The following PXK variants were observed in gnomAD, a reference collection of about 807,000 sequenced individuals.
PXK encodes the protein PX domain containing serine/threonine kinase like.
A neutral mutation model predicts 84.7 loss-of-function variants in PXK; 35 were observed. That is an observed-to-expected ratio of 0.41 (90% confidence interval 0.32 to 0.55). The LOEUF is 0.55. PXK is among the 20% of genes least tolerant of loss of function. PXK has a pLI of 0.21. For synonymous variants in PXK, 253 were observed against 260.8 expected (o/e 0.97, Z 0.29); for missense variants, 634 against 699.7 (o/e 0.91, Z 1.06).
chr3:58,357,431 A>G (rs1271116195), intron 1 of PXK, among the ~76,000 whole-genome samples: 2 of 152,212 alleles, frequency 1.3e-5, no homozygotes, highest in Non-Finnish European at 2.9e-5. Flanking sequence ...CTCCTATGAT[A>G]GCAATGCCTT....
intron 1 of PXK, among the ~76,000 whole-genome samples, chr3:58,337,671 T>C: frequency 6.6e-6 from 1 of 152,128 alleles, no homozygotes; most frequent in Non-Finnish European, 1.5e-5. Flanking sequence ...TGTCTTGCTA[T>C]GTTGTCCAGG....
rs1030221952 is a variant in PXK at position 58,425,966 on chromosome 3, T to C, written c.*1006T>C. 1 of 152,248 alleles carries C rather than the reference T, an allele frequency of 6.6e-6. No individual in the cohort carries two copies. The highest frequency in any genetic ancestry group is 2.4e-5 in the African/African-American group (1 of 41,464). 9.4% of individuals were successfully genotyped at this position (152,248 alleles called of 1,614,324 possible). ...ACTATGCAGAGAATGTCATTGTGTA[T>C]AGTTTCATGTAATCTGTTATGTCAG... On this transcript the variant is annotated 3_prime_UTR_variant, in exon 18 of 18. Transcript: ENST00000356151.
intron 1 of PXK, among the ~76,000 whole-genome samples, chr3:58,336,643 G>T (rs937468793): frequency 6.6e-6 from 1 of 152,156 alleles, no homozygotes; most frequent in African/African-American, 2.4e-5. Flanking sequence ...TAAGTTCTTG[G>T]CTATATAAAA....
At chr3:58,404,390 C>T (rs1265032429) in intron 13 of PXK, among the ~76,000 whole-genome samples, 1 of 152,140 alleles carries the variant, frequency 6.6e-6, no homozygotes, top group Non-Finnish European at 1.5e-5. Flanking sequence ...GTGAGGGCTG[C>T]CTGTGCACGG....
rs568162935 is a variant in PXK, at chr3:58,421,094, A to G, written c.1529-3658A>G. 3.3e-4 allele frequency: 331 copies of G among 993,030 alleles called. 1 individual carries two copies. The highest frequency in any genetic ancestry group is 5.2e-4 in the Middle Eastern group (1 of 1,932). 61.5% of individuals were successfully genotyped at this position (993,030 alleles called of 1,614,324 possible). ...CTCCTCACCTGCCTGAAGCCAAAGG[A>G]GAAGGTGGTTCTCCCGAGAGCTGGG... On this transcript the variant is annotated intron_variant, in intron 17 of 17. Transcript: ENST00000356151. The surrounding 1 kb of genome is among the most constrained non-coding windows in gnomAD (Gnocchi z 5.5).
At chr3:58,367,967 G>A (rs1365867082) in intron 2 of PXK, among the ~76,000 whole-genome samples, 4 of 152,136 alleles carry the variant, frequency 2.6e-5, no homozygotes, top group South Asian at 4.2e-4. Context: ...TTGTAGGCAT[G>A]AGCCACCATG....
chr3:58,355,463 C>T (rs995754483), intron 1 of PXK, among the ~76,000 whole-genome samples: 37 of 152,182 alleles, frequency 2.4e-4, no homozygotes, highest in African/African-American at 8.4e-4. Flanking sequence ...AGCGACTTAA[C>T]ACGTTTATTT....
Position 58,407,411 on chromosome 3 carries a change from G to T in PXK, c.1231-1513G>T, listed in dbSNP as rs2059556997. ...TTAATTGGGTTACTTATATTTTGTT[G>T]TTGAGTTGTTGGAGTTCCTTTATAT... On this transcript the variant is annotated intron_variant, in intron 13 of 17. Transcript: ENST00000356151. The surrounding 1 kb of genome is among the most constrained non-coding windows in gnomAD (Gnocchi z 4.3). 6.6e-6 allele frequency among the ~76,000 whole-genome samples: 1 copy of T among 151,918 alleles called. No homozygotes were observed. The highest frequency in any genetic ancestry group is 1.5e-5 in the Non-Finnish European group (1 of 67,978).
At chr3:58,415,616 C>T (rs559921726) in intron 17 of PXK, among the ~76,000 whole-genome samples, 32 of 152,354 alleles carry the variant, frequency 2.1e-4, no homozygotes, top group African/African-American at 7.7e-4. Flanking sequence ...GCATGATTGA[C>T]AACCATATAG....
chr3:58,425,040 G>C lies in PXK; in HGVS notation c.*80G>C. 1 of 1,544,730 alleles carries C rather than the reference G, an allele frequency of 6.5e-7. No homozygotes were observed. The highest frequency in any genetic ancestry group is 8.7e-7 in the Non-Finnish European group (1 of 1,142,884). ...ACCCCCCAAACTACCCTCTTCCTGG[G>C]AAAGTAATTGCTGAGCCAGTACAGC... On this transcript the variant is annotated 3_prime_UTR_variant, in exon 18 of 18. Coordinates refer to ENST00000356151, the MANE Select transcript of PXK (RefSeq NM_017771.5).
intron 1 of PXK, among the ~76,000 whole-genome samples, chr3:58,334,421 G>A (rs1350352703): frequency 6.6e-6 from 1 of 152,152 alleles, no homozygotes; most frequent in Non-Finnish European, 1.5e-5. Flanking sequence ...TGGCATAAGG[G>A]TTGAAATTTA....
At position 58,399,344 on chromosome 3, in the gene PXK, G is replaced by T. The variant is rs1333105265; in HGVS notation, c.1148G>T (p.Gly383Val). 6.2e-7 allele frequency: 1 copy of T among 1,614,118 alleles called. No individual in the cohort carries two copies. Among genetic ancestry groups the T allele is most frequent in the Admixed American group, 1.7e-5 (1 of 60,024 alleles). Residue 383 changes from glycine to valine, a missense_variant, in exon 12 of 18, where the codon GGC becomes GTC. Gly to Val is a moderately radical substitution (Grantham distance 109). Coordinates refer to ENST00000356151, the MANE Select transcript of PXK (RefSeq NM_017771.5). This position sits in a 1 kb window ranked among gnomAD's most constrained non-coding sequence, Gnocchi z 4.3. ...CTGTCTTGTGAAGCCTGTAAAAATG[G>T]CATGCCTACCATCTCCCGGCTCTTA... is the stretch of plus-strand genomic sequence containing the variant. ...STLSCEACKN[G>V]MPTISRLLQM...
At chr3:58,336,928 G>A (rs2097629807) in intron 1 of PXK, among the ~76,000 whole-genome samples, 1 of 152,144 alleles carries the variant, frequency 6.6e-6, no homozygotes, top group Admixed American at 6.6e-5. Context: ...TTCTGCCTCA[G>A]CCTCCCAAGT....
intron 17 of PXK, among the ~76,000 whole-genome samples, chr3:58,418,473 C>T (rs1484619867): frequency 2.6e-5 from 4 of 152,146 alleles, no homozygotes; most frequent in Non-Finnish European, 4.4e-5. Flanking sequence ...CTTCAGGGTG[C>T]GCTGCAGGGC....
chr3:58,358,034 T>A (rs2098121354), intron 1 of PXK, among the ~76,000 whole-genome samples: 1 of 152,184 alleles, frequency 6.6e-6, no homozygotes. Context: ...TCATGATATT[T>A]GTGGTCTGTT....
At chr3:58,359,049 C>T (rs1055766107) in intron 1 of PXK, among the ~76,000 whole-genome samples, 1 of 152,116 alleles carries the variant, frequency 6.6e-6, no homozygotes, top group Admixed American at 6.6e-5. Flanking sequence ...GAACAAAGCA[C>T]GGGTTTGGAA....
chr3:58,366,183 C>A (rs912835424), intron 2 of PXK, among the ~76,000 whole-genome samples: 1 of 152,138 alleles, frequency 6.6e-6, no homozygotes, highest in African/African-American at 2.4e-5. Context: ...CAACCCAGGG[C>A]AAATAGTGTA....
In PXK at chr3:58,424,867, C is replaced by T. The variant is rs766041331; in HGVS notation, c.1644C>T (p.Ser548=). 1.9e-6 allele frequency: 3 copies of T among 1,614,240 alleles called. No homozygotes were observed. Among genetic ancestry groups the T allele is most frequent in the Non-Finnish European group, 2.5e-6 (3 of 1,180,044 alleles). ...QLSSQAVNGM[S]RGALLSSIQN... is the part of the protein sequence containing the mutation. Reference sequence around the variant, plus strand: ...CGTCTCAGGCTGTGAATGGCATGAGCCGAGGGGCCTTGCTCAGCTCCATCC... The same window carrying T: ...CGTCTCAGGCTGTGAATGGCATGAGTCGAGGGGCCTTGCTCAGCTCCATCC... The change falls in exon 18 of 18, where the codon AGC becomes AGT. Residue 548 remains serine, a synonymous_variant. Transcript: ENST00000356151.
intron 1 of PXK, among the ~76,000 whole-genome samples, chr3:58,361,468 C>T (rs2098186216): frequency 6.6e-6 from 1 of 152,082 alleles, no homozygotes; most frequent in Non-Finnish European, 1.5e-5. Context: ...TCACTTTGCC[C>T]TTCTGTAGCT....
Sources: allele counts gnomAD v4.1 joint callset (sites outside exome capture counted in the v4.1 genomes callset), GRCh38; gene constraint gnomAD v4.1.1; non-coding constraint Gnocchi (gnomAD v3.1); transcripts MANE v1.5; gene names NCBI Gene and HGNC (gene_info 2026-07-23, HGNC 2026-07-21).